STIM1: variants seen among roughly 807,000 people sequenced by gnomAD.
STIM1 encodes the protein stromal interaction molecule 1.
Under a neutral mutation model 74.7 loss-of-function variants are expected in STIM1, and 25 were observed. The ratio of observed to expected loss-of-function variants is 0.33; its 90% CI spans 0.24 to 0.47. The LOEUF (loss-of-function observed/expected upper bound fraction) is 0.47. Among genes scored for constraint, STIM1 ranks in the 20% least tolerant of loss-of-function variants. The probability of loss-of-function intolerance (pLI) is 1.00; values close to 1 mark genes in which losing one functional copy is unlikely to be tolerated. For missense variants in STIM1, 728 were observed against 920.8 expected (o/e 0.79, Z 2.71); for synonymous variants, 328 against 348.8 (o/e 0.94, Z 0.66).
chr11:3,926,986 C>T (rs139431963), intron 1 of STIM1, among the ~76,000 whole-genome samples: 3 of 152,288 alleles, frequency 2.0e-5, no homozygotes, highest in East Asian at 3.9e-4. Flanking sequence ...CTTTGTGTCT[C>T]AGTTTCCTCT....
At chr11:4,005,659 G>A (rs2093771940) in intron 2 of STIM1, among the ~76,000 whole-genome samples, 1 of 151,970 alleles carries the variant, frequency 6.6e-6, no homozygotes. Flanking sequence ...CAGCACACCA[G>A]CATGGCACAT....
rs557725893 is a variant in STIM1 at position 3,953,668 on chromosome 11, C to G, written c.140-13884C>G. Among the ~76,000 whole-genome samples, 230 of 152,276 alleles carry G rather than the reference C, an allele frequency of 1.5e-3. 1 individual carries two copies. Among genetic ancestry groups the G allele is most frequent in the Non-Finnish European group, 1.8e-3 (121 of 68,018 alleles). The stretch of plus-strand genomic sequence containing the variant: ...AACGGCCTTTGAGGCCCTCCAAATC[C>G]CCTTCAATTCTGCCATTTAGAGTCT... On this transcript the variant is annotated intron_variant, in intron 1 of 12. Coordinates refer to ENST00000526596, the MANE Select transcript of STIM1 (RefSeq NM_001382567.1).
chr11:4,086,873 C>G (rs934926676), intron 12 of STIM1: 3 of 1,525,754 alleles, frequency 2.0e-6, no homozygotes, highest in Middle Eastern at 1.7e-4. Context: ...TATCAGCTGT[C>G]TCTCTTTTCT....
intron 2 of STIM1, among the ~76,000 whole-genome samples, chr11:4,018,677 G>T (rs1405176008): frequency 3.3e-5 from 5 of 151,200 alleles, no homozygotes; most frequent in Admixed American, 2.0e-4. Flanking sequence ...CATAAAAGGG[G>T]GATCTGTGTT....
intron 12 of STIM1, 185 bp downstream of exon 12, chr11:4,086,728 A>ACCACCG (rs1281459875): frequency 6.5e-7 from 1 of 1,537,110 alleles, no homozygotes; most frequent in Non-Finnish European, 8.7e-7. Context: ...CACCACCACC[A>ACCACCG]CCTTCACCAC....
intron 2 of STIM1, among the ~76,000 whole-genome samples, chr11:3,983,367 T>C (rs1366966942): frequency 6.6e-6 from 1 of 152,198 alleles, no homozygotes; most frequent in Admixed American, 6.5e-5. Context: ...CCTGGGGAGG[T>C]ATAGATGACT....
chr11:3,962,632 T>A, intron 1 of STIM1, among the ~76,000 whole-genome samples: 1 of 152,200 alleles, frequency 6.6e-6, no homozygotes, highest in East Asian at 1.9e-4. Flanking sequence ...GCTAGCTGCC[T>A]AATTTTGGTC....
intron 2 of STIM1, among the ~76,000 whole-genome samples, chr11:4,002,975 C>A (rs2093735305): frequency 6.7e-6 from 1 of 149,568 alleles, no homozygotes; most frequent in African/African-American, 2.4e-5. Flanking sequence ...TGCAAATATA[C>A]TAGAAAATCT....
intron 5 of STIM1, among the ~76,000 whole-genome samples, chr11:4,060,822 T>C (rs796070019): frequency 5.9e-5 from 9 of 152,318 alleles, no homozygotes; most frequent in African/African-American, 1.9e-4. Context: ...TGTAAGTCTT[T>C]CCAGAGTTCA....
chr11:4,085,265 T>C (rs61897254), intron 11 of STIM1, among the ~76,000 whole-genome samples: 8,905 of 152,236 alleles, frequency 0.058, 399 homozygotes, highest in East Asian at 0.19. Flanking sequence ...TCCCTGGTGG[T>C]CCTTCCAAGG....
At chr11:3,975,576 C>T (rs1456084156) in intron 2 of STIM1, among the ~76,000 whole-genome samples, 3 of 151,868 alleles carry the variant, frequency 2.0e-5, no homozygotes, top group Non-Finnish European at 4.4e-5. Flanking sequence ...GGAGATCGCA[C>T]CACTGCATTC....
intron 1 of STIM1, among the ~76,000 whole-genome samples, chr11:3,959,238 C>G (rs577231715): frequency 6.6e-6 from 1 of 152,078 alleles, no homozygotes. Context: ...TGATGGGGCC[C>G]CTGCTGGTAA....
intron 3 of STIM1, among the ~76,000 whole-genome samples, chr11:4,025,460 G>A (rs2093991303): frequency 6.6e-6 from 1 of 152,212 alleles, no homozygotes; most frequent in African/African-American, 2.4e-5. Flanking sequence ...CTCAGGCTAT[G>A]TACTGATGAA....
chr11:3,951,663 G>T (rs1428231686), intron 1 of STIM1, among the ~76,000 whole-genome samples: 1 of 152,150 alleles, frequency 6.6e-6, no homozygotes, highest in Non-Finnish European at 1.5e-5. Context: ...ACCCAGAAGG[G>T]TATAATCTTA....
chr11:4,019,754 A>C (rs1393607612), intron 2 of STIM1, among the ~76,000 whole-genome samples: 2 of 152,240 alleles, frequency 1.3e-5, no homozygotes, highest in Non-Finnish European at 2.9e-5. Flanking sequence ...GGGTAAAATT[A>C]GTATATCTGT....
rs902771122 is a variant in STIM1 at position 4,012,725 on chromosome 11, T to C, written c.271-11148T>C. On this transcript the variant is annotated intron_variant, in intron 2 of 12. Transcript: ENST00000526596. ...ATTGAATACCCTTTATTTCTTTCTC[T>C]TGCCTGATTGCCCTGGCCAGAACTT... Among the ~76,000 whole-genome samples the C allele has an allele frequency of 5.9e-5, 9 of 152,264 alleles. No homozygotes were observed. The South Asian group carries it at 1.9e-3, about 32-fold the overall frequency.
rs56890594 is a variant in STIM1 at position 3,941,653 on chromosome 11, CAT to C, written c.140-25879_140-25878del. ...TATAGAGAGATAGTGTGTGTGTATA[CAT>C]ATATATATATATATATATAGAGAGA... On this transcript the variant is annotated intron_variant, in intron 1 of 12. Transcript: ENST00000526596. Among the ~76,000 whole-genome samples, 1,038 of 122,738 alleles carry C rather than the reference CAT, an allele frequency of 8.5e-3. 20 individuals carry two copies. The highest frequency in any genetic ancestry group is 0.03 in the African/African-American group (931 of 31,094). The allele number at this position is 122,738 out of a possible 152,430, so 80.5% of individuals were successfully genotyped here.
intron 2 of STIM1, chr11:3,989,542 T>G: frequency 1.8e-6 from 1 of 563,406 alleles, no homozygotes; most frequent in South Asian, 1.6e-5. Context: ...GGCTGCCTGG[T>G]CGCTGCCGCT....
chr11:3,868,977 C>A (rs1438158135), intron 1 of STIM1, among the ~76,000 whole-genome samples: 1 of 147,620 alleles, frequency 6.8e-6, no homozygotes, highest in African/African-American at 2.5e-5. Flanking sequence ...TTTTCTCTCT[C>A]TTTTTTTTTT....
Sources: gnomAD v4.1 joint callset for allele counts (sites outside exome capture counted in the v4.1 genomes callset) on GRCh38, gnomAD v4.1.1 for gene constraint, MANE v1.5 for transcripts, NCBI Gene and HGNC (gene_info 2026-07-23, HGNC 2026-07-21) for gene names.